Variants in ZNF91 observed in about 807,000 individuals in gnomAD.
ZNF91 encodes the protein zinc finger protein 91, also known as zinc finger protein 91 (HPF7, HTF10).
ZNF91 carries 7 observed loss-of-function variants against 12.6 expected under a neutral mutation model. The ratio of observed to expected loss-of-function variants is 0.55; its 90% CI spans 0.31 to 1.04. The LOEUF (loss-of-function observed/expected upper bound fraction) is 1.04, where lower values mean the gene tolerates loss of function less well. ZNF91 is among the 50% of genes least tolerant of loss of function. ZNF91 has a pLI of 0.05. For synonymous variants in ZNF91, 453 were observed against 462.6 expected (o/e 0.98, Z 0.27); for missense variants, 1,217 against 1,385.4 (o/e 0.88, Z 1.93).
At chr19:23,369,976 C>G (rs907117968) in intron 3 of ZNF91, among the ~76,000 whole-genome samples, 5 of 146,854 alleles carry the variant, frequency 3.4e-5, no homozygotes, top group African/African-American at 1.0e-4. Context: ...ATCCCCCTCT[C>G]CGAGAAACAC....
downstream of ZNF91, among the ~76,000 whole-genome samples, chr19:23,336,873 C>T (rs12981723): frequency 1.3e-5 from 2 of 151,930 alleles, no homozygotes; most frequent in African/African-American, 2.4e-5. Context: ...AGGTTCATGC[C>T]GTTCTCCTGC....
At chr19:23,356,955 C>T (rs1329287986), downstream of ZNF91, among the ~76,000 whole-genome samples, 3 of 152,054 alleles carry the variant, frequency 2.0e-5, no homozygotes, top group African/African-American at 7.2e-5. Flanking sequence ...TTAGTCCAGG[C>T]GAGGCGGCTC....
At chr19:23,356,870 GA>G (rs1404681874), downstream of ZNF91, among the ~76,000 whole-genome samples, 4 of 152,174 alleles carry the variant, frequency 2.6e-5, no homozygotes, top group Non-Finnish European at 5.9e-5. Context: ...GAGGTGAGTG[GA>G]TCACCTGAGG....
At chr19:23,321,875 G>C (rs1967703886) in intron 1 of ZNF91, among the ~76,000 whole-genome samples, 3 of 152,100 alleles carry the variant, frequency 2.0e-5, no homozygotes, top group Admixed American at 2.0e-4. Flanking sequence ...CTTATCCCTG[G>C]GCCCAGAACA....
Position 23,347,934 on chromosome 19 carries a change from C to T in ZNF91, c.254-8880G>A, listed in dbSNP as rs542573275. The stretch of plus-strand genomic sequence containing the variant: ...GGGTGAGCAGAAGCATTCCCAACAA[C>T]TTCAGAAAGTGCAAATGTCATCACA... On this transcript the variant is annotated intron_variant, in intron 3 of 3. Coordinates refer to the ZNF91 transcript ENST00000599743. Among the ~76,000 whole-genome samples, 76 of 152,312 alleles carry T rather than the reference C, an allele frequency of 5.0e-4. No homozygotes were observed. The South Asian group carries it at 0.012, about 23-fold the overall frequency.
chr19:23,360,626 G>C lies in ZNF91; in HGVS notation c.2353C>G (p.Leu785Val). Residue 785 changes from leucine to valine, a missense_variant, in exon 4 of 4, where the codon CTA (leucine) becomes GTA (valine). Physicochemically the swap from Leu to Val is conservative, Grantham distance 32 (BLOSUM62 1). Around this residue, in one of 2 missense-constraint regions of ZNF91, gnomAD observed 491 missense variants for 489.8 expected, o/e 1.00. Transcript: ENST00000300619. ...GTGTGTATCCTCTTATGTCTAGTTAGGGTTGAAGACCATATAAATGCTTTG... is the reference window on the plus strand; with the variant it reads ...GTGTGTATCCTCTTATGTCTAGTTACGGTTGAAGACCATATAAATGCTTTG... ...CGKAFIWSST[L>V]TRHKRIHTGE... 4.3e-6 allele frequency: 7 copies of C among 1,613,834 alleles called. No individual in the cohort carries two copies. The highest frequency in any genetic ancestry group is 5.1e-6 in the Non-Finnish European group (6 of 1,179,934).
chr19:23,356,627 G>A (rs987980650), downstream of ZNF91, among the ~76,000 whole-genome samples: 1 of 152,168 alleles, frequency 6.6e-6, no homozygotes, highest in Admixed American at 6.5e-5. Context: ...CATATATGGT[G>A]CAGTGTATAC....
intron 3 of ZNF91, chr19:23,306,717 C>T (rs7248969): frequency 0.19 from 28,634 of 152,060 alleles, 2,911 homozygotes; most frequent in Non-Finnish European, 0.21. Context: ...CTCTTCTCTT[C>T]GCTGTTCCCT....
At chr19:23,322,464 G>GC (rs1317763929) in intron 1 of ZNF91, among the ~76,000 whole-genome samples, 6 of 152,110 alleles carry the variant, frequency 3.9e-5, no homozygotes, top group Non-Finnish European at 8.8e-5. Flanking sequence ...CCAAAACAAT[G>GC]CAACTGTTTT....
In ZNF91 at chr19:23,360,465, G is replaced by A; in HGVS notation, c.2514C>T (p.Ser838=). Residue 838 remains serine (S), a synonymous_variant, in exon 4 of 4, where the codon TCC becomes TCT. Transcript: ENST00000300619. The part of the protein sequence containing the change: ...CKECGKAFKH[S]SALAKHKIIH... The stretch of plus-strand genomic sequence containing the variant: ...TTATTTTATGTTTAGCAAGGGCTGA[G>A]GAGTGCTTAAAAGCTTTGCCACATT... 2 of 1,612,396 alleles carry A rather than the reference G, an allele frequency of 1.2e-6. No homozygotes were observed. The highest frequency in any genetic ancestry group is 2.2e-5 in the East Asian group (1 of 44,678).
downstream of ZNF91, among the ~76,000 whole-genome samples, chr19:23,335,222 T>C (rs1290277366): frequency 5.3e-5 from 8 of 152,156 alleles, no homozygotes; most frequent in Non-Finnish European, 8.8e-5. Context: ...GTATGAGATG[T>C]CAGTTGGCCC....
intron 1 of ZNF91, among the ~76,000 whole-genome samples, chr19:23,392,843 A>C (rs147037404): frequency 6.6e-6 from 1 of 152,034 alleles, no homozygotes; most frequent in Non-Finnish European, 1.5e-5. Context: ...TAAGTGAACA[A>C]AGCTTTTCAA....
At chr19:23,393,623 T>G (rs879894157) in intron 1 of ZNF91, among the ~76,000 whole-genome samples, 6 of 152,260 alleles carry the variant, frequency 3.9e-5, no homozygotes, top group Admixed American at 2.6e-4. Flanking sequence ...TGTCAGGAGA[T>G]TATTCTTTGC....
At chr19:23,313,161 A>G (rs551743164), upstream of ZNF91, among the ~76,000 whole-genome samples, 4 of 152,358 alleles carry the variant, frequency 2.6e-5, no homozygotes, top group South Asian at 8.3e-4. Context: ...TGGATTGTAA[A>G]TATCATTCTA....
At chr19:23,356,106 G>A (rs1184392731), downstream of ZNF91, among the ~76,000 whole-genome samples, 1 of 152,150 alleles carries the variant, frequency 6.6e-6, no homozygotes, top group Non-Finnish European at 1.5e-5. Context: ...GGAAAACAGT[G>A]TGGAGAGTCT....
intron 1 of ZNF91, chr19:23,327,725 T>C (rs1006058867): frequency 2.6e-5 from 4 of 152,176 alleles, no homozygotes; most frequent in African/African-American, 7.2e-5. Context: ...TCTTTTACTT[T>C]AGAGTTTTAA....
In ZNF91 at chr19:23,316,252, C is replaced by T. The variant is rs73563477; in HGVS notation, n.117-7155G>A. ...CCAATACCTAGAAAATGGAAGGCTC[C>T]GCCTGGGGCCTGTCCACAGTGGATC... On this transcript the variant is annotated intron_variant and non_coding_transcript_variant, in intron 1 of 1. Transcript: ENST00000596528. 5.0e-3 allele frequency among the ~76,000 whole-genome samples: 756 copies of T among 151,514 alleles called. 7 individuals are homozygous for T. The highest frequency in any genetic ancestry group is 0.015 in the African/African-American group (630 of 41,236).
intron 3 of ZNF91, among the ~76,000 whole-genome samples, chr19:23,305,437 C>T (rs1281593158): frequency 6.6e-6 from 1 of 152,076 alleles, no homozygotes; most frequent in Non-Finnish European, 1.5e-5. Context: ...TTCTGATCAG[C>T]CAATTAGCTC....
At chr19:23,341,376 A>C (rs1215304333) in intron 3 of ZNF91, among the ~76,000 whole-genome samples, 2 of 152,228 alleles carry the variant, frequency 1.3e-5, no homozygotes, top group African/African-American at 4.8e-5. Flanking sequence ...CAGAAATCTC[A>C]TCATTGGGTA....
Sources: allele counts gnomAD v4.1 joint callset (sites outside exome capture counted in the v4.1 genomes callset), GRCh38; gene constraint gnomAD v4.1.1; regional missense constraint gnomAD v4.1.1; transcripts MANE v1.5; gene names NCBI Gene and HGNC (gene_info 2026-07-23, HGNC 2026-07-21).